The following WNT4 variants were observed in gnomAD, a reference collection of about 807,000 sequenced individuals.
WNT4 encodes Wnt family member 4, also known as protein Wnt-4.
WNT4 carries 16 observed loss-of-function variants against 34.5 expected under a neutral mutation model. The observed-to-expected ratio is 0.46, with a 90% confidence interval of 0.31 to 0.70. The LOEUF is 0.70. WNT4 is among the 30% of genes least tolerant of loss of function. The pLI, the probability that WNT4 is intolerant of heterozygous loss-of-function variation, is 0.04. For synonymous variants in WNT4, 200 were observed against 211.9 expected, an observed-to-expected ratio of 0.94 and a Z score of 0.49; for missense variants, 379 against 495.9, an observed-to-expected ratio of 0.76 and a Z score of 2.24.
chr1:22,124,996 A>C (rs1645929853), intron 2 of WNT4, among the ~76,000 whole-genome samples: 2 of 152,106 alleles, frequency 1.3e-5, no homozygotes, highest in Non-Finnish European at 2.9e-5. Flanking sequence ...GCAGAAACCT[A>C]CCTTTTCTTG....
Position 22,134,758 on chromosome 1 carries a change from C to T in WNT4, c.78-4907G>A, listed in dbSNP as rs1189178494. Among the ~76,000 whole-genome samples, 1 of 152,216 alleles carries T rather than the reference C, an allele frequency of 6.6e-6. No individual in the cohort carries two copies. Among genetic ancestry groups the T allele is most frequent in the Non-Finnish European group, 1.5e-5 (1 of 68,038 alleles). On this transcript the variant is annotated intron_variant, in intron 1 of 4. Transcript: ENST00000290167. The surrounding 1 kb of genome is among the most constrained non-coding windows in gnomAD (Gnocchi z 4.1). ...ATGCTCACTGTCATCGGTGCCGTCACCACCCCTCCCACAGCCTCTCCCAGT... is the reference window on the plus strand; with the variant it reads ...ATGCTCACTGTCATCGGTGCCGTCATCACCCCTCCCACAGCCTCTCCCAGT...
intron 2 of WNT4, among the ~76,000 whole-genome samples, chr1:22,127,930 C>T (rs1335700350): frequency 6.6e-6 from 1 of 152,140 alleles, no homozygotes; most frequent in African/African-American, 2.4e-5. Flanking sequence ...GGGTGACAGC[C>T]TGCCATATGA....
intron 2 of WNT4, among the ~76,000 whole-genome samples, chr1:22,128,987 TG>T (rs1471318909): frequency 1.3e-5 from 2 of 152,252 alleles, no homozygotes; most frequent in African/African-American, 4.8e-5. Context: ...CCGAAAGTGC[TG>T]GGATTACAGG....
rs752828177 is a variant in WNT4 at position 22,129,679 on chromosome 1, T to A, written c.250A>T (p.Asn84Tyr). 1 of 1,613,810 alleles carries A rather than the reference T, an allele frequency of 6.2e-7. No individual in the cohort carries two copies. The highest frequency in any genetic ancestry group is 1.7e-5 in the Admixed American group (1 of 60,022). ...AGTGTGGAGCAGTTCCAGCGCCGGT[T>A]CCGGAACTGGTACTGGCACTCCTCA... is the stretch of plus-strand genomic sequence containing the variant. ...AIEECQYQFR[N>Y]RRWNCSTLDS... The change falls in exon 2 of 5, where the codon AAC becomes TAC. Residue 84 changes from asparagine (N) to tyrosine (Y), a missense_variant. By Grantham distance (143) the Asn-to-Tyr change is moderately radical. Around this residue, in one of 2 missense-constraint regions of WNT4, gnomAD observed 313 missense variants for 445.8 expected, o/e 0.70. Coordinates refer to ENST00000290167, the MANE Select transcript of WNT4 (RefSeq NM_030761.5).
At chr1:22,131,996 CCCTG>C (rs1645987497) in intron 1 of WNT4, among the ~76,000 whole-genome samples, 1 of 152,222 alleles carries the variant, frequency 6.6e-6, no homozygotes. Context: ...GGCTTCTCAG[CCCTG>C]CCTGGGTGCT....
Position 22,140,470 on chromosome 1 carries a change from C to T in WNT4, c.77+2376G>A, listed in dbSNP as rs1238065254. On this transcript the variant is annotated intron_variant, in intron 1 of 4. Transcript: ENST00000290167. The surrounding 1 kb of genome is among the most constrained non-coding windows in gnomAD (Gnocchi z 5.9). ...AAGTCCCCCTCTGTGCCTGCTCGGG[C>T]TCACACTCAGCTCTTTCCTCTGACA... 1.3e-5 allele frequency among the ~76,000 whole-genome samples: 2 copies of T among 152,228 alleles called. No homozygotes were observed. The highest frequency in any genetic ancestry group is 4.8e-5 in the African/African-American group (2 of 41,444).
Position 22,119,038 on chromosome 1 carries a change from C to G in WNT4, c.*1012G>C, listed in dbSNP as rs1056111245. ...ATGGGAGAGGACTTTATTGCACAGCCCTTTCCTCCCTCCCTCTCGCAGGTG... is the reference window on the plus strand; with the variant it reads ...ATGGGAGAGGACTTTATTGCACAGCGCTTTCCTCCCTCCCTCTCGCAGGTG... On this transcript the variant is annotated 3_prime_UTR_variant, in exon 5 of 5. Coordinates refer to ENST00000290167, the MANE Select transcript of WNT4 (RefSeq NM_030761.5). The G allele has an allele frequency of 1.3e-5, 2 of 152,652 alleles. No individual in the cohort carries two copies. Among genetic ancestry groups the G allele is most frequent in the African/African-American group, 2.4e-5 (1 of 41,448 alleles). 9.5% of individuals were successfully genotyped at this position (152,652 alleles called of 1,614,324 possible). A position where few individuals can be genotyped will look rare whatever the true frequency, so the allele number is the denominator to read the frequency against.
Position 22,120,310 on chromosome 1 carries a change from T to C in WNT4, c.796A>G (p.Thr266Ala). The C allele has an allele frequency of 6.2e-7, 1 of 1,614,250 alleles. No homozygotes were observed. Among genetic ancestry groups the C allele is most frequent in the Non-Finnish European group, 8.5e-7 (1 of 1,180,044 alleles). ...VPRNAQFKPH[T>A]DEDLVYLEPS... ...TCCAAGTACACCAGGTCCTCATCTG[T>C]GTGCGGCTTGAACTGTGCGTTGCGT... The change falls in exon 5 of 5, where the codon ACA becomes GCA. Residue 266 changes from threonine (T) to alanine (A), a missense_variant. This residue lies in a region of WNT4 where 313 missense variants were observed against 445.8 expected (regional missense o/e 0.70). Coordinates refer to ENST00000290167, the MANE Select transcript of WNT4 (RefSeq NM_030761.5).
Position 22,127,819 on chromosome 1 carries a change from C to T in WNT4, c.313+1797G>A, listed in dbSNP as rs115495922. ...GAGCTTTGGAGCCCAGAGGGAAGAG[C>T]TGAGAAGGTGTCGTGGAGGAGGGAA... On this transcript the variant is annotated intron_variant, in intron 2 of 4. Coordinates refer to ENST00000290167, the MANE Select transcript of WNT4 (RefSeq NM_030761.5). 5.3e-3 allele frequency among the ~76,000 whole-genome samples: 813 copies of T among 152,300 alleles called. 13 individuals are homozygous for T. The highest frequency in any genetic ancestry group is 0.019 in the African/African-American group (776 of 41,562).
In WNT4 at chr1:22,120,410, G is replaced by A. The variant is rs373059216; in HGVS notation, c.696C>T (p.His232=). ...CACCATCAAACTTCTCCTTCAGTGC[G>A]TGACCCACCTGGCGGAAGGGCGGCA... is the stretch of plus-strand genomic sequence containing the variant. ...RAVPPFRQVG[H]ALKEKFDGAT... The change falls in exon 5 of 5, where the codon CAC becomes CAT. Residue 232 remains histidine, a synonymous_variant. Transcript: ENST00000290167. 37 of 1,613,840 alleles carry A rather than the reference G, an allele frequency of 2.3e-5. No individual in the cohort carries two copies. Among genetic ancestry groups the A allele is most frequent in the Non-Finnish European group, 3.0e-5 (35 of 1,179,932 alleles).
At chr1:22,136,808 CA>C (rs899058840) in intron 1 of WNT4, among the ~76,000 whole-genome samples, 10 of 152,118 alleles carry the variant, frequency 6.6e-5, no homozygotes, top group Non-Finnish European at 1.5e-4. Flanking sequence ...GAAGGTTCCC[CA>C]GGGGGTTGAC....
At chr1:22,124,921 C>T (rs1251187327) in intron 2 of WNT4, among the ~76,000 whole-genome samples, 3 of 152,150 alleles carry the variant, frequency 2.0e-5, no homozygotes, top group East Asian at 3.9e-4. Context: ...TAACCTTATC[C>T]CCCATTCTCC....
intron 2 of WNT4, among the ~76,000 whole-genome samples, chr1:22,124,181 G>C (rs746232357): frequency 3.3e-5 from 5 of 152,254 alleles, no homozygotes; most frequent in Non-Finnish European, 7.3e-5. Context: ...GTAGCAGCGG[G>C]GGGGTTCCCC....
Position 22,120,052 on chromosome 1 carries a change from A to G in WNT4, c.1054T>C (p.Ter352ArgextTer4). 2 of 1,607,022 alleles carry G rather than the reference A, an allele frequency of 1.2e-6. No individual in the cohort carries two copies. The highest frequency in any genetic ancestry group is 1.7e-6 in the Non-Finnish European group (2 of 1,179,640). Residue 352 changes from the stop codon to arginine, a stop_lost, in exon 5 of 5, where the codon TGA becomes CGA. Transcript: ENST00000290167. The part of the protein sequence containing the change: ...QRLVELHTCR[*>R] ...CCGGCGCAGGGCTAGGCAGGCGGTC[A>G]TCGGCACGTGTGCAACTCCACGAGC...
Position 22,120,100 on chromosome 1 carries a change from C to T in WNT4, c.1006G>A (p.Val336Ile), listed in dbSNP as rs775511723. ...AGCCGCTGGCACTGCCGGCACTTGA[C>T]GAAGCAGCACCAGTGGAATTTGCAG... ...CSCKFHWCCFVKCRQCQRLVE... is the reference protein window; with the variant it reads ...CSCKFHWCCFIKCRQCQRLVE... The change falls in exon 5 of 5, where the codon GTC (valine) becomes ATC (isoleucine). Residue 336 changes from valine to isoleucine, a missense_variant. Coordinates refer to ENST00000290167, the MANE Select transcript of WNT4 (RefSeq NM_030761.5). 41 of 1,612,612 alleles carry T rather than the reference C, an allele frequency of 2.5e-5. No homozygotes were observed. Among genetic ancestry groups the T allele is most frequent in the African/African-American group, 5.3e-5 (4 of 74,934 alleles).
chr1:22,142,930 C>CG lies in WNT4; in HGVS notation c.-9_-8insC. ...GCACGAGCGGGGACTCATGGTGCCG[C>CG]CGCGGGCGCCCGGCCCGGGGCAGCG... On this transcript the variant is annotated 5_prime_UTR_variant, in exon 1 of 5. Coordinates refer to ENST00000290167, the MANE Select transcript of WNT4 (RefSeq NM_030761.5). This position sits in a 1 kb window ranked among gnomAD's most constrained non-coding sequence, Gnocchi z 6.0. The CG allele has an allele frequency of 8.9e-7, 1 of 1,127,302 alleles. No homozygotes were observed. The highest frequency in any genetic ancestry group is 4.0e-4 in the Middle Eastern group (1 of 2,484). 69.8% of individuals were successfully genotyped at this position (1,127,302 alleles called of 1,614,324 possible). A position where few individuals can be genotyped will look rare whatever the true frequency, so the allele number is the denominator to read the frequency against.
chr1:22,132,917 G>A (rs901395166), intron 1 of WNT4, among the ~76,000 whole-genome samples: 2 of 152,114 alleles, frequency 1.3e-5, no homozygotes, highest in African/African-American at 2.4e-5. Flanking sequence ...AAATGGAACC[G>A]GGCACCGGCT....
chr1:22,133,834 C>G (rs1441636085), intron 1 of WNT4, among the ~76,000 whole-genome samples: 1 of 152,226 alleles, frequency 6.6e-6, no homozygotes, highest in African/African-American at 2.4e-5. Context: ...GAGCCCGGCC[C>G]GTGCCTACAG....
In WNT4 at chr1:22,142,728, C is replaced by G; in HGVS notation, c.77+118G>C. ...CGGAGCGAGCGAGCCTCCGGTCCCG[C>G]GGCCGAGACACCTGCCGGGCTGCCC... On this transcript the variant is annotated intron_variant, in intron 1 of 4. Transcript: ENST00000290167. The surrounding 1 kb of genome is among the most constrained non-coding windows in gnomAD (Gnocchi z 6.0). 1 of 702,780 alleles carries G rather than the reference C, an allele frequency of 1.4e-6. No individual in the cohort carries two copies. Among genetic ancestry groups the G allele is most frequent in the Non-Finnish European group, 1.7e-6 (1 of 572,656 alleles). The allele number at this position is 702,780 out of a possible 1,614,324, so 43.5% of individuals were successfully genotyped here. A position where few individuals can be genotyped will look rare whatever the true frequency, so the allele number is the denominator to read the frequency against.
Sources: gnomAD v4.1 joint callset for allele counts (sites outside exome capture counted in the v4.1 genomes callset) on GRCh38, gnomAD v4.1.1 for gene constraint, gnomAD v4.1.1 regional missense constraint, Gnocchi (gnomAD v3.1) non-coding constraint, MANE v1.5 for transcripts, NCBI Gene and HGNC (gene_info 2026-07-23, HGNC 2026-07-21) for gene names.